The following NKAIN2 variants were observed in gnomAD, a reference collection of about 807,000 sequenced individuals.
NKAIN2 encodes sodium/potassium-transporting ATPase subunit beta-1-interacting protein 2.
Under a neutral mutation model 32.6 loss-of-function variants are expected in NKAIN2, and 14 were observed. That is an observed-to-expected ratio of 0.43 (90% CI 0.28 to 0.67). The LOEUF (loss-of-function observed/expected upper bound fraction) is 0.67, where lower values mean the gene tolerates loss of function less well. Among genes scored for constraint, NKAIN2 ranks in the 30% least tolerant of loss-of-function variants. The pLI, the probability that NKAIN2 is intolerant of heterozygous loss-of-function variation, is 0.17. For synonymous variants in NKAIN2, 80 were observed against 87.2 expected, an observed-to-expected ratio of 0.92 and a Z score of 0.46; for missense variants, 198 against 258.3, an observed-to-expected ratio of 0.77 and a Z score of 1.60.
At chr6:123,859,309 A>G (rs2114974312) in intron 1 of NKAIN2, among the ~76,000 whole-genome samples, 2 of 152,312 alleles carry the variant, frequency 1.3e-5, no homozygotes, top group South Asian at 4.1e-4. Flanking sequence ...GGGAAGCAAA[A>G]TTATAATCAA....
chr6:124,449,644 G>T (rs62437467), intron 3 of NKAIN2, among the ~76,000 whole-genome samples: 2 of 151,926 alleles, frequency 1.3e-5, no homozygotes, highest in East Asian at 1.9e-4. Flanking sequence ...ACAATTTTAC[G>T]TGCATACACA....
intron 4 of NKAIN2, among the ~76,000 whole-genome samples, chr6:124,756,642 A>G (rs950100000): frequency 2.4e-5 from 1 of 41,892 alleles, no homozygotes; most frequent in Admixed American, 3.8e-4. Context: ...TAAATAAACA[A>G]ATGCAATTTT....
At chr6:123,830,395 A>T (rs1489804099) in intron 1 of NKAIN2, among the ~76,000 whole-genome samples, 1 of 152,156 alleles carries the variant, frequency 6.6e-6, no homozygotes. Flanking sequence ...TTACAAGGAC[A>T]TGCCTGGCCT....
At chr6:124,167,405 A>G (rs935958959) in intron 1 of NKAIN2, among the ~76,000 whole-genome samples, 2 of 152,138 alleles carry the variant, frequency 1.3e-5, no homozygotes, top group South Asian at 2.1e-4. Flanking sequence ...TTATCAGCTT[A>G]AGGAGATTTT....
At chr6:124,348,157 G>A (rs375300409) in intron 2 of NKAIN2, among the ~76,000 whole-genome samples, 9 of 152,124 alleles carry the variant, frequency 5.9e-5, no homozygotes, top group Non-Finnish European at 8.8e-5. Flanking sequence ...GTGGATTTTC[G>A]TGATCCGCGA....
chr6:124,650,571 G>GAGAT (rs1343755919), intron 3 of NKAIN2, among the ~76,000 whole-genome samples: 3 of 152,072 alleles, frequency 2.0e-5, no homozygotes, highest in Non-Finnish European at 4.4e-5. Context: ...AAAAGACAGG[G>GAGAT]AGATATATGA....
rs147594518 is a variant in NKAIN2, at chr6:123,909,840, C to T, written c.54+105586C>T. On this transcript the variant is annotated intron_variant, in intron 1 of 6. Coordinates refer to ENST00000368417, the MANE Select transcript of NKAIN2 (RefSeq NM_001040214.3). ...ACAGGGTAGGAATTCTGTTTATTCA[C>T]TGCAGTATCCACAACCATTTGCACA... is the stretch of plus-strand genomic sequence containing the variant. Among the ~76,000 whole-genome samples, 666 of 152,258 alleles carry T rather than the reference C, an allele frequency of 4.4e-3. 9 individuals are homozygous for T. Among genetic ancestry groups the T allele is most frequent in the African/African-American group, 0.014 (564 of 41,554 alleles).
chr6:123,878,379 A>G (rs1350312198), intron 1 of NKAIN2, among the ~76,000 whole-genome samples: 2 of 152,040 alleles, frequency 1.3e-5, no homozygotes, highest in East Asian at 3.9e-4. Flanking sequence ...AGGTTCAACT[A>G]TTCTATTATT....
chr6:124,033,040 A>G (rs1472562463), intron 1 of NKAIN2, among the ~76,000 whole-genome samples: 1 of 152,118 alleles, frequency 6.6e-6, no homozygotes, highest in Non-Finnish European at 1.5e-5. Flanking sequence ...GGTAGGATAG[A>G]CACTTTTTAA....
At chr6:123,821,033 A>G (rs1478971860) in intron 1 of NKAIN2, among the ~76,000 whole-genome samples, 4 of 152,194 alleles carry the variant, frequency 2.6e-5, no homozygotes, top group Non-Finnish European at 5.9e-5. Flanking sequence ...AAAGCAGCTG[A>G]TGGTTTACAC....
At chr6:124,001,595 C>T (rs536278087) in intron 1 of NKAIN2, among the ~76,000 whole-genome samples, 15 of 151,398 alleles carry the variant, frequency 9.9e-5, no homozygotes, top group African/African-American at 3.6e-4. Flanking sequence ...AATGTTACAA[C>T]TAAATAAATA....
intron 1 of NKAIN2, among the ~76,000 whole-genome samples, chr6:123,841,537 C>T (rs1169392783): frequency 1.3e-5 from 2 of 152,148 alleles, no homozygotes; most frequent in East Asian, 3.9e-4. Flanking sequence ...TAATTTACAC[C>T]TCATAACTTT....
chr6:124,162,779 T>C (rs1479533647), intron 1 of NKAIN2, among the ~76,000 whole-genome samples: 1 of 152,116 alleles, frequency 6.6e-6, no homozygotes, highest in Non-Finnish European at 1.5e-5. Flanking sequence ...CCCTTTGGAA[T>C]AGCATTTAAA....
chr6:124,365,020 G>GT (rs753445434), intron 3 of NKAIN2, among the ~76,000 whole-genome samples: 15 of 151,818 alleles, frequency 9.9e-5, no homozygotes, highest in Non-Finnish European at 1.9e-4. Context: ...AATGTCTAGA[G>GT]TAACTACTAA....
chr6:124,096,650 C>T (rs1490409871), intron 1 of NKAIN2, among the ~76,000 whole-genome samples: 3 of 151,942 alleles, frequency 2.0e-5, no homozygotes, highest in South Asian at 2.1e-4. Flanking sequence ...TAAAGGAGAT[C>T]GAGACCATCT....
At chr6:124,263,224 G>A (rs183162588) in intron 1 of NKAIN2, among the ~76,000 whole-genome samples, 340 of 152,202 alleles carry the variant, frequency 2.2e-3, no homozygotes, top group Admixed American at 4.0e-3. Flanking sequence ...ATAAGACAGT[G>A]GGTAAAATAA....
At chr6:124,331,372 A>G (rs1056484800) in intron 2 of NKAIN2, among the ~76,000 whole-genome samples, 4 of 144,448 alleles carry the variant, frequency 2.8e-5, no homozygotes, top group Non-Finnish European at 1.5e-5. Flanking sequence ...AAAAAAAAAA[A>G]AAAAAAACTA....
At chr6:124,651,287 G>C (rs1784358806) in intron 3 of NKAIN2, among the ~76,000 whole-genome samples, 1 of 152,274 alleles carries the variant, frequency 6.6e-6, no homozygotes, top group South Asian at 2.1e-4. Flanking sequence ...AGCTCTCCGG[G>C]TGGTTGTTGC....
At chr6:124,354,248 A>G (rs1798865231) in intron 2 of NKAIN2, among the ~76,000 whole-genome samples, 1 of 152,132 alleles carries the variant, frequency 6.6e-6, no homozygotes, top group Non-Finnish European at 1.5e-5. Flanking sequence ...TTCTTGTATA[A>G]TAATGATCTA....
Sources: allele counts gnomAD v4.1 joint callset (sites outside exome capture counted in the v4.1 genomes callset), GRCh38; gene constraint gnomAD v4.1.1; transcripts MANE v1.5; gene names NCBI Gene and HGNC (gene_info 2026-07-23, HGNC 2026-07-21).